Variants in PLOD2 observed in about 807,000 individuals in gnomAD.
The protein encoded by PLOD2 is lysine hydroxylase 2.
In PLOD2, 65 loss-of-function variants were observed where a neutral mutation model predicts 101.0. The observed-to-expected ratio is 0.64, with a 90% confidence interval of 0.53 to 0.79. The LOEUF (loss-of-function observed/expected upper bound fraction) is 0.79, where lower values mean the gene tolerates loss of function less well. PLOD2 is among the 30% of genes least tolerant of loss of function. The probability of loss-of-function intolerance (pLI) is 0.00; values close to 1 mark genes in which losing one functional copy is unlikely to be tolerated. For synonymous variants in PLOD2, 314 were observed against 302.9 expected, an observed-to-expected ratio of 1.04 and a Z score of -0.38; for missense variants, 909 against 914.6, an observed-to-expected ratio of 0.99 and a Z score of 0.08.
chr3:146,160,032 C>CA (rs971899424), intron 1 of PLOD2, among the ~76,000 whole-genome samples: 6 of 151,878 alleles, frequency 4.0e-5, no homozygotes, highest in Non-Finnish European at 5.9e-5. Context: ...GATGACTTAA[C>CA]AAAAAACAAA....
At position 146,072,997 on chromosome 3, in the gene PLOD2, A is replaced by C. The variant is rs535943001; in HGVS notation, c.1743+290T>G. Among the ~76,000 whole-genome samples the C allele has an allele frequency of 9.7e-4, 147 of 151,792 alleles. 1 individual carries two copies. Among genetic ancestry groups the C allele is most frequent in the African/African-American group, 3.5e-3 (146 of 41,512 alleles). ...TCCAAAGATAAGCTTTCACTGCAAG[A>C]GTTCTACATCAGAGATCTGTCAACA... On this transcript the variant is annotated intron_variant, in intron 16 of 19. Transcript: ENST00000282903.
chr3:146,107,254 T>A (rs1012204741), intron 4 of PLOD2, among the ~76,000 whole-genome samples: 1 of 152,214 alleles, frequency 6.6e-6, no homozygotes, highest in African/African-American at 2.4e-5. Flanking sequence ...TGTGTCATAG[T>A]CTGGAAAAAG....
At chr3:146,088,358 C>A (rs1194614949) in intron 9 of PLOD2, among the ~76,000 whole-genome samples, 1 of 151,514 alleles carries the variant, frequency 6.6e-6, no homozygotes, top group Non-Finnish European at 1.5e-5. Flanking sequence ...TAATATTCAG[C>A]CATTTTTGAT....
chr3:146,128,332 A>G (rs943331670), intron 1 of PLOD2, among the ~76,000 whole-genome samples: 61 of 152,084 alleles, frequency 4.0e-4, no homozygotes, highest in Non-Finnish European at 7.6e-4. Flanking sequence ...AGGTTAAAAA[A>G]ACAAGCAAAT....
chr3:146,135,687 A>G (rs891761847), intron 1 of PLOD2, among the ~76,000 whole-genome samples: 7 of 152,156 alleles, frequency 4.6e-5, no homozygotes, highest in African/African-American at 1.4e-4. Context: ...GTATGCTTTA[A>G]GAGATATTTT....
chr3:146,093,402 A>G (rs188092081), intron 7 of PLOD2, among the ~76,000 whole-genome samples: 1 of 152,350 alleles, frequency 6.6e-6, no homozygotes, highest in African/African-American at 2.4e-5. Context: ...CATGATATTA[A>G]CGACATTTCA....
intron 7 of PLOD2, among the ~76,000 whole-genome samples, chr3:146,095,852 A>ACCCTCTC (rs1161771294): frequency 3.5e-4 from 26 of 73,572 alleles, no homozygotes; most frequent in South Asian, 7.1e-4. Context: ...TGTGGCATAT[A>ACCCTCTC]CCCTCTCCCC....
rs1428110092 is a variant in PLOD2, at chr3:146,097,033, C to T, written c.778-5132G>A. ...CAGCCCCCCGCCCGGCCAGCCGCCC[C>T]GTCCGGGAGGTGAGGGGCTCCTCTG... On this transcript the variant is annotated intron_variant, in intron 7 of 19. Coordinates refer to ENST00000282903, the MANE Select transcript of PLOD2 (RefSeq NM_182943.3). Among the ~76,000 whole-genome samples the T allele has an allele frequency of 2.8e-3, 418 of 146,830 alleles. 4 individuals carry two copies. Among genetic ancestry groups the T allele is most frequent in the South Asian group, 0.02 (91 of 4,618 alleles).
intron 7 of PLOD2, among the ~76,000 whole-genome samples, chr3:146,102,124 A>G (rs1478440517): frequency 6.6e-6 from 1 of 152,188 alleles, no homozygotes; most frequent in Non-Finnish European, 1.5e-5. Context: ...AGCATGTCAG[A>G]AGGTTGTTGT....
chr3:146,090,123 T>C (rs1936928183), intron 8 of PLOD2, among the ~76,000 whole-genome samples: 1 of 151,012 alleles, frequency 6.6e-6, no homozygotes, highest in South Asian at 2.1e-4. Context: ...TTGTTATGTA[T>C]ATTCATATAT....
chr3:146,137,573 T>C (rs1193263077), intron 1 of PLOD2, among the ~76,000 whole-genome samples: 1 of 152,150 alleles, frequency 6.6e-6, no homozygotes, highest in African/African-American at 2.4e-5. Flanking sequence ...ATCTCAGATA[T>C]TCCCAGTCTG....
intron 13 of PLOD2, among the ~76,000 whole-genome samples, chr3:146,078,174 C>T (rs1936410858): frequency 2.0e-5 from 3 of 151,714 alleles, no homozygotes; most frequent in Admixed American, 2.0e-4. Context: ...CATTCCTTAG[C>T]AGAACTTTCA....
At chr3:146,093,918 T>G (rs1937062047) in intron 7 of PLOD2, among the ~76,000 whole-genome samples, 1 of 152,310 alleles carries the variant, frequency 6.6e-6, no homozygotes, top group East Asian at 1.9e-4. Context: ...GTTTCCTAGA[T>G]AACTAAGATA....
intron 1 of PLOD2, among the ~76,000 whole-genome samples, chr3:146,157,012 G>A (rs889706599): frequency 2.0e-5 from 3 of 152,216 alleles, no homozygotes; most frequent in Non-Finnish European, 4.4e-5. Context: ...ACAACCCGTG[G>A]AGAAGGGTTG....
intron 7 of PLOD2, among the ~76,000 whole-genome samples, chr3:146,094,374 GATTA>G (rs1937076286): frequency 2.3e-3 from 318 of 135,840 alleles, no homozygotes; most frequent in East Asian, 5.0e-3. Context: ...TAGATCAGGT[GATTA>G]GCTCTTCCCC....
chr3:146,071,061 T>C lies in PLOD2; in HGVS notation c.2102A>G (p.Asn701Ser). Residue 701 changes from asparagine (N) to serine (S), a missense_variant, in exon 19 of 20, where the codon AAC (asparagine) becomes AGC (serine). Coordinates refer to ENST00000282903, the MANE Select transcript of PLOD2 (RefSeq NM_182943.3). ...AATTACCTGAAAGTCTTCTCCCACG[T>C]TATTAAGTGCAATGTTTATGGTAAA... ...STFTINIALN[N>S]VGEDFQGGGC... 6.2e-7 allele frequency: 1 copy of C among 1,608,290 alleles called. No individual in the cohort carries two copies. Among genetic ancestry groups the C allele is most frequent in the Non-Finnish European group, 8.5e-7 (1 of 1,175,554 alleles).
chr3:146,124,100 C>T (rs769898743), intron 2 of PLOD2, 38 bp downstream of exon 2: 29 of 1,024,082 alleles, frequency 2.8e-5, no homozygotes, highest in South Asian at 2.4e-4. Context: ...TTTAGGCACA[C>T]ATTATAGGAT....
intron 3 of PLOD2, among the ~76,000 whole-genome samples, chr3:146,119,722 T>C (rs12495057): frequency 0.5 from 76,167 of 151,084 alleles, 19,187 homozygotes; most frequent in East Asian, 0.56. Context: ...GATAGTTTGC[T>C]GAGAATGATG....
chr3:146,159,918 C>A (rs75347704), intron 1 of PLOD2, among the ~76,000 whole-genome samples: 1 of 152,170 alleles, frequency 6.6e-6, no homozygotes, highest in Non-Finnish European at 1.5e-5. Context: ...CCAAATGTCA[C>A]TTTCTGAATG....
Sources: gnomAD v4.1 joint callset for allele counts (sites outside exome capture counted in the v4.1 genomes callset) on GRCh38, gnomAD v4.1.1 for gene constraint, MANE v1.5 for transcripts, NCBI Gene and HGNC (gene_info 2026-07-23, HGNC 2026-07-21) for gene names.